KDM5B: variants seen among roughly 807,000 people sequenced by gnomAD.
The protein encoded by KDM5B is lysine-specific demethylase 5B.
In KDM5B, 144 loss-of-function variants were observed where a neutral mutation model predicts 193.4. That is an observed-to-expected ratio of 0.74 (90% CI 0.65 to 0.86). The LOEUF is 0.86. Among genes scored for constraint, KDM5B ranks in the 40% least tolerant of loss-of-function variants. The pLI is 0.00. For missense variants in KDM5B, 1,833 were observed against 1,886.9 expected (o/e 0.97, Z 0.53); for synonymous variants, 668 against 682.6 (o/e 0.98, Z 0.33).
Position 202,760,421 on chromosome 1 carries a change from C to G in KDM5B, c.1071G>C (p.Leu357Phe). The change falls in exon 8 of 27, where the codon TTG (leucine) becomes TTC (phenylalanine). Residue 357 changes from leucine to phenylalanine, a missense_variant. Leu to Phe is a conservative substitution (Grantham distance 22). Transcript: ENST00000367265. ...CTCTACTATTAATTATTACCTGAGC[C>G]AAACACTTAGGACACCTCCAGTCTC... ...PKGDWRCPKCLAQECSKPQEA... is the reference protein window; with the variant it reads ...PKGDWRCPKCFAQECSKPQEA... 1 of 1,600,732 alleles carries G rather than the reference C, an allele frequency of 6.2e-7. No homozygotes were observed. Among genetic ancestry groups the G allele is most frequent in the Non-Finnish European group, 8.5e-7 (1 of 1,174,292 alleles).
intron 20 of KDM5B, among the ~76,000 whole-genome samples, chr1:202,737,609 AAAATGTTT>A (rs1456860495): frequency 2.0e-5 from 3 of 152,248 alleles, no homozygotes; most frequent in Non-Finnish European, 4.4e-5. Flanking sequence ...TTATATTAAA[AAAATGTTT>A]AACTTGGATG....
intron 4 of KDM5B, among the ~76,000 whole-genome samples, chr1:202,769,336 G>A (rs866559585): frequency 6.0e-5 from 9 of 149,766 alleles, no homozygotes; most frequent in East Asian, 2.0e-4. Context: ...GCGCCCGGCC[G>A]CCTGGCCTAT....
rs1282698738 is a variant in KDM5B, at chr1:202,736,397, T to C, written c.3085-5A>G. ...CACTGGCACACGTCCTCCAGCCTAA[T>C]AAGTCAAGAAAAATTACAGCAGTTT... On this transcript the variant is annotated splice_region_variant and splice_polypyrimidine_tract_variant and intron_variant, in intron 20 of 26. Coordinates refer to ENST00000367265, the MANE Select transcript of KDM5B (RefSeq NM_006618.5). 2 of 1,538,424 alleles carry C rather than the reference T, an allele frequency of 1.3e-6. No homozygotes were observed. Among genetic ancestry groups the C allele is most frequent in the African/African-American group, 2.8e-5 (2 of 72,062 alleles).
chr1:202,754,264 T>C (rs1282338901), intron 11 of KDM5B, among the ~76,000 whole-genome samples: 4 of 152,266 alleles, frequency 2.6e-5, no homozygotes, highest in Non-Finnish European at 2.9e-5. Flanking sequence ...GAATTAATTC[T>C]ATACATATAT....
At chr1:202,785,135 C>T (rs1308061504) in intron 1 of KDM5B, among the ~76,000 whole-genome samples, 2 of 151,992 alleles carry the variant, frequency 1.3e-5, no homozygotes, top group African/African-American at 4.8e-5. Flanking sequence ...TAAGTTCTGA[C>T]CACTGAAATA....
At chr1:202,755,820 G>T (rs763072416) in intron 10 of KDM5B, among the ~76,000 whole-genome samples, 5 of 151,934 alleles carry the variant, frequency 3.3e-5, no homozygotes, top group South Asian at 2.1e-4. Context: ...GAAGGAGAGC[G>T]GGCGAAAAGG....
chr1:202,798,402 T>G (rs1657938035), intron 1 of KDM5B, among the ~76,000 whole-genome samples: 1 of 151,302 alleles, frequency 6.6e-6, no homozygotes, highest in African/African-American at 2.4e-5. Flanking sequence ...CCCCAAGTGC[T>G]GGGATTACAG....
chr1:202,773,759 T>C (rs190597562), intron 3 of KDM5B, among the ~76,000 whole-genome samples: 6 of 148,396 alleles, frequency 4.0e-5, no homozygotes, highest in Non-Finnish European at 8.9e-5. Flanking sequence ...TTTTCTGAGA[T>C]GGAGTTTCTC....
chr1:202,758,587 TA>T (rs1331179733), intron 8 of KDM5B, 77 bp from the exon 9 acceptor site: 27 of 1,259,574 alleles, frequency 2.1e-5, no homozygotes, highest in Non-Finnish European at 2.9e-5. Context: ...AGCTGGCAGA[TA>T]AAAAACAAGG....
intron 23 of KDM5B, among the ~76,000 whole-genome samples, chr1:202,733,150 G>GT (rs1223358659): frequency 6.6e-6 from 1 of 152,186 alleles, no homozygotes; most frequent in East Asian, 1.9e-4. Context: ...AAAATTATTT[G>GT]TATCTGTGAA....
chr1:202,773,035 T>C, intron 4 of KDM5B, 83 bp downstream of exon 4: 4 of 1,054,196 alleles, frequency 3.8e-6, no homozygotes, highest in Non-Finnish European at 4.2e-6. Context: ...CCAAACACAA[T>C]CAAGGCTTTT....
At chr1:202,804,922 T>C (rs952044815) in intron 1 of KDM5B, among the ~76,000 whole-genome samples, 3 of 151,848 alleles carry the variant, frequency 2.0e-5, no homozygotes, top group Middle Eastern at 3.4e-3. Flanking sequence ...TGTGAGACAT[T>C]TGAAAGCAAG....
In KDM5B at chr1:202,764,698, G is replaced by A. The variant is rs376571478; in HGVS notation, c.712-553C>T. On this transcript the variant is annotated intron_variant, in intron 5 of 26. Coordinates refer to ENST00000367265, the MANE Select transcript of KDM5B (RefSeq NM_006618.5). ...GTCAAAGGATCAAGAACAAATTGTG[G>A]CTGGGCGAGGTGCCTCACACCTGTA... Among the ~76,000 whole-genome samples, 17 of 152,276 alleles carry A rather than the reference G, an allele frequency of 1.1e-4. 1 individual carries two copies. The highest frequency in any genetic ancestry group is 6.5e-4 in the Admixed American group (10 of 15,294).
At position 202,733,442 on chromosome 1, in the gene KDM5B, T is replaced by C; in HGVS notation, c.3868A>G (p.Arg1290Gly). The change falls in exon 23 of 27, where the codon AGA becomes GGA. Residue 1290 changes from arginine to glycine, a missense_variant. By Grantham distance (125) the Arg-to-Gly change is moderately radical. Around this residue, in one of 3 missense-constraint regions of KDM5B, gnomAD observed 1,379 missense variants for 1,349.6 expected, o/e 1.02. Transcript: ENST00000367265. ...DRVGSGLLYSRWQASAGQVSD... is the reference protein window; with the variant it reads ...DRVGSGLLYSGWQASAGQVSD... ...ACCTGTCCTGCTGAGGCTTGCCATC[T>C]GCTATATAACAGTCCTGAGCCCACT... 1 of 1,613,774 alleles carries C rather than the reference T, an allele frequency of 6.2e-7. No individual in the cohort carries two copies. Among genetic ancestry groups the C allele is most frequent in the Non-Finnish European group, 8.5e-7 (1 of 1,179,630 alleles).
chr1:202,800,013 C>T (rs570795899), intron 1 of KDM5B, among the ~76,000 whole-genome samples: 6 of 152,312 alleles, frequency 3.9e-5, no homozygotes, highest in Non-Finnish European at 7.3e-5. Context: ...ATTCTCATTT[C>T]CCTAAAACTT....
intron 17 of KDM5B, 35 bp from the exon 18 acceptor site, chr1:202,742,540 A>AGGG (rs770074489): frequency 3.1e-6 from 5 of 1,604,470 alleles, no homozygotes; most frequent in Non-Finnish European, 4.3e-6. Flanking sequence ...GCCATATAAG[A>AGGG]ATACATACAT....
At position 202,764,124 on chromosome 1, in the gene KDM5B, G is replaced by T; in HGVS notation, c.733C>A (p.Pro245Thr). Reference sequence around the variant, plus strand: ...GTTCTGGCTTCCGTTGTCTCCTCGGGTTCTATTTTAATATTCATGGCCTTA... The same window carrying T: ...GTTCTGGCTTCCGTTGTCTCCTCGGTTTCTATTTTAATATTCATGGCCTTA... ...RAEAMNIKIE[P>T]EETTEARTHN... The change falls in exon 6 of 27, where the codon CCC (proline) becomes ACC (threonine). Residue 245 changes from proline to threonine, a missense_variant. Pro to Thr is a conservative substitution (Grantham distance 38). Coordinates refer to ENST00000367265, the MANE Select transcript of KDM5B (RefSeq NM_006618.5). The T allele has an allele frequency of 1.3e-6, 2 of 1,563,644 alleles. No homozygotes were observed. The highest frequency in any genetic ancestry group is 2.4e-5 in the South Asian group (2 of 83,820).
chr1:202,735,554 C>G lies in KDM5B; in HGVS notation c.3298G>C (p.Gly1100Arg). 1 of 1,613,830 alleles carries G rather than the reference C, an allele frequency of 6.2e-7. No homozygotes were observed. The highest frequency in any genetic ancestry group is 8.5e-7 in the Non-Finnish European group (1 of 1,179,826). The change falls in exon 22 of 27, where the codon GGA (glycine) becomes CGA (arginine). Residue 1100 changes from glycine (G) to arginine (R), a missense_variant. By Grantham distance (125) the Gly-to-Arg change is moderately radical. This residue lies in a region of KDM5B where 1,379 missense variants were observed against 1,349.6 expected (regional missense o/e 1.02). Coordinates refer to ENST00000367265, the MANE Select transcript of KDM5B (RefSeq NM_006618.5). Reference protein sequence around the residue: ...LCPRCDIGLLGLKRKQRKLKE... With the variant: ...LCPRCDIGLLRLKRKQRKLKE... Reference sequence around the variant, plus strand: ...AACTTTCTCTGCTTCCTTTTCAATCCCAAAAGGCCAATATCACATCGAGGA... The same window carrying G: ...AACTTTCTCTGCTTCCTTTTCAATCGCAAAAGGCCAATATCACATCGAGGA...
rs772836354 is a variant in KDM5B, at chr1:202,742,732, G to T, written c.2397C>A (p.His799Gln). The T allele has an allele frequency of 2.0e-5, 33 of 1,614,156 alleles. No individual in the cohort carries two copies. The highest frequency in any genetic ancestry group is 2.8e-5 in the Non-Finnish European group (33 of 1,180,014). Residue 799 changes from histidine to glutamine, a missense_variant, in exon 17 of 27, where the codon CAC (histidine) becomes CAA (glutamine). This residue lies in a region of KDM5B where 1,379 missense variants were observed against 1,349.6 expected (regional missense o/e 1.02). Coordinates refer to ENST00000367265, the MANE Select transcript of KDM5B (RefSeq NM_006618.5). The stretch of plus-strand genomic sequence containing the variant: ...CTGCATCCTGTGTGACTAGGCGAAG[G>T]TGTCGCAAAAGATCATTGTCTGGGA... ...KKFPDNDLLRHLRLVTQDAEK... is the reference protein window; with the variant it reads ...KKFPDNDLLRQLRLVTQDAEK...
Sources: gnomAD v4.1 joint callset for allele counts (sites outside exome capture counted in the v4.1 genomes callset) on GRCh38, gnomAD v4.1.1 for gene constraint, gnomAD v4.1.1 regional missense constraint, MANE v1.5 for transcripts, NCBI Gene and HGNC (gene_info 2026-07-23, HGNC 2026-07-21) for gene names.